The following GDF5 variants were observed in gnomAD, a reference collection of about 807,000 sequenced individuals.
The protein encoded by GDF5 is growth differentiation factor 5.
In GDF5, 17 loss-of-function variants were observed where a neutral mutation model predicts 34.6. The observed-to-expected ratio is 0.49, with a 90% confidence interval of 0.34 to 0.74. GDF5 has a LOEUF of 0.74. GDF5 is among the 30% of genes least tolerant of loss of function. The pLI is 0.01. For synonymous variants in GDF5, 332 were observed against 290.7 expected (o/e 1.14, Z -1.44); for missense variants, 616 against 661.2 (o/e 0.93, Z 0.75).
intron 1 of GDF5, among the ~76,000 whole-genome samples, chr20:35,448,244 A>G (rs994849813): frequency 3.9e-5 from 6 of 152,038 alleles, no homozygotes; most frequent in African/African-American, 1.2e-4. Context: ...CACTTTGTGT[A>G]TAAGAACCCT....
chr20:35,435,983 A>G (rs757703236), intron 1 of GDF5, among the ~76,000 whole-genome samples: 1 of 152,094 alleles, frequency 6.6e-6, no homozygotes, highest in Non-Finnish European at 1.5e-5. Context: ...TGTGTGATTC[A>G]GCACGTGTGT....
At chr20:35,442,675 G>A (rs1249714474), upstream of GDF5, among the ~76,000 whole-genome samples, 3 of 150,508 alleles carry the variant, frequency 2.0e-5, no homozygotes, top group African/African-American at 7.3e-5. Flanking sequence ...CTCCCAAGTA[G>A]CTGGGACTAC....
At chr20:35,435,738 T>G (rs995302388) in intron 1 of GDF5, among the ~76,000 whole-genome samples, 1 of 152,180 alleles carries the variant, frequency 6.6e-6, no homozygotes, top group Non-Finnish European at 1.5e-5. Context: ...TGCCTATGTG[T>G]CTTACTCTCC....
chr20:35,451,092 T>TATATATATATATAC (rs1555824851), intron 1 of GDF5, among the ~76,000 whole-genome samples: 55 of 133,564 alleles, frequency 4.1e-4, no homozygotes, highest in Middle Eastern at 3.9e-3. Flanking sequence ...TATATATATA[T>TATATATATATATAC]ACACAAATAT....
Position 35,438,213 on chromosome 20 carries a change from T to C in GDF5, c.-285A>G. 2.0e-6 allele frequency: 1 copy of C among 493,566 alleles called. No individual in the cohort carries two copies. Among genetic ancestry groups the C allele is most frequent in the East Asian group, 3.7e-5 (1 of 26,754 alleles). The allele number at this position is 493,566 out of a possible 1,614,324, so 30.6% of individuals were successfully genotyped here. A position where few individuals can be genotyped will look rare whatever the true frequency, so the allele number is the denominator to read the frequency against. ...TGAAAGGAGAAAGCCGACCGCCCCC[T>C]TTCTCCTGCACAACTGACTGAGGGC... On this transcript the variant is annotated 5_prime_UTR_variant, in exon 1 of 2. Coordinates refer to ENST00000374369, the MANE Select transcript of GDF5 (RefSeq NM_000557.5).
In GDF5 at chr20:35,434,596, C is replaced by T; in HGVS notation, c.819G>A (p.Gln273=). ...AGCGCACATCCAGCAAGGCGGCCGGCTGCCGGCCGCTGGGGCAGCTGGACA... is the reference window on the plus strand; with the variant it reads ...AGCGCACATCCAGCAAGGCGGCCGGTTGCCGGCCGCTGGGGCAGCTGGACA... The part of the protein sequence containing the change: ...LKLSSCPSGR[Q]PAALLDVRSV... The change falls in exon 2 of 2, where the codon CAG becomes CAA. Residue 273 remains glutamine, a synonymous_variant. Transcript: ENST00000374369. 6.3e-7 allele frequency: 1 copy of T among 1,588,618 alleles called. No individual in the cohort carries two copies. Among genetic ancestry groups the T allele is most frequent in the Admixed American group, 1.7e-5 (1 of 57,374 alleles).
rs1194065564 is a variant in GDF5, at chr20:35,437,463, G to T, written c.466C>A (p.Arg156=). ...LKKAREPGPP[R]EPKEPFRPPP... is the part of the protein sequence containing the mutation. Reference sequence around the variant, plus strand: ...GGGCGAAACGGCTCCTTGGGCTCTCGTGGGGGCCCGGGCTCCCTGGCCTTC... The same window carrying T: ...GGGCGAAACGGCTCCTTGGGCTCTCTTGGGGGCCCGGGCTCCCTGGCCTTC... The change falls in exon 1 of 2, where the codon CGA becomes AGA. Residue 156 remains arginine (R), a synonymous_variant. Transcript: ENST00000374369. 8.7e-6 allele frequency: 14 copies of T among 1,613,912 alleles called. No homozygotes were observed. Among genetic ancestry groups the T allele is most frequent in the East Asian group, 2.2e-5 (1 of 44,890 alleles).
At chr20:35,443,863 GA>G (rs1288537475) in intron 1 of GDF5, among the ~76,000 whole-genome samples, 1 of 151,974 alleles carries the variant, frequency 6.6e-6, no homozygotes, top group African/African-American at 2.4e-5. Context: ...AGTAAACAGT[GA>G]ACTGAGTGAT....
upstream of GDF5, among the ~76,000 whole-genome samples, chr20:35,443,183 C>G (rs1466329930): frequency 6.6e-6 from 1 of 152,120 alleles, no homozygotes; most frequent in Non-Finnish European, 1.5e-5. Flanking sequence ...CTGCCTGGCT[C>G]TCACTATAAA....
intron 1 of GDF5, among the ~76,000 whole-genome samples, chr20:35,447,256 A>C (rs2146589954): frequency 6.6e-6 from 1 of 150,820 alleles, no homozygotes. Flanking sequence ...TCCTGTGTCC[A>C]AGTGTTCTTA....
chr20:35,446,588 C>T (rs188471301), intron 1 of GDF5, among the ~76,000 whole-genome samples: 59 of 151,944 alleles, frequency 3.9e-4, no homozygotes, highest in African/African-American at 1.4e-3. Context: ...CAGGTGCAAG[C>T]CACTGCACCT....
At position 35,437,401 on chromosome 20, in the gene GDF5, C is replaced by T. The variant is rs959326191; in HGVS notation, c.528G>A (p.Leu176=). 1.9e-6 allele frequency: 3 copies of T among 1,613,712 alleles called. No homozygotes were observed. Among genetic ancestry groups the T allele is most frequent in the Non-Finnish European group, 2.5e-6 (3 of 1,179,642 alleles). Residue 176 remains leucine (L), a synonymous_variant, in exon 1 of 2, where the codon CTG becomes CTA. Transcript: ENST00000374369. ...PITPHEYMLS[L]YRTLSDADRK... is the part of the protein sequence containing the mutation. ...TGTCAGCATCGGACAGCGTCCTGTACAGCGAGAGCATGTACTCGTGGGGTG... is the reference window on the plus strand; with the variant it reads ...TGTCAGCATCGGACAGCGTCCTGTATAGCGAGAGCATGTACTCGTGGGGTG...
Position 35,437,772 on chromosome 20 carries a change from G to A in GDF5, c.157C>T (p.Leu53=), listed in dbSNP as rs773128415. The change falls in exon 1 of 2, where the codon CTG becomes TTG. Residue 53 remains leucine, a synonymous_variant. Transcript: ENST00000374369. The part of the protein sequence containing the change: ...AKAEAKERPP[L]ARNVFRPGGH... ...CCTGGCCTGAAGACGTTCCGGGCCA[G>A]GGGGGGCCTCTCCTTGGCCTCTGCT... 3.7e-6 allele frequency: 6 copies of A among 1,611,446 alleles called. No homozygotes were observed. Among genetic ancestry groups the A allele is most frequent in the Middle Eastern group, 3.3e-4 (2 of 6,072 alleles).
intron 1 of GDF5, among the ~76,000 whole-genome samples, chr20:35,452,039 T>C (rs922824988): frequency 1.3e-5 from 2 of 152,144 alleles, no homozygotes; most frequent in Non-Finnish European, 2.9e-5. Context: ...TAGATTCTCA[T>C]AGGAGGCAAA....
chr20:35,438,104 T>C lies in GDF5; in HGVS notation c.-176A>G. ...AGACTCTTGAAGTCTGCCGGGTGTG[T>C]GTTTGTATCCAGTCCCATAGTGGAA... On this transcript the variant is annotated 5_prime_UTR_variant, in exon 1 of 2. Transcript: ENST00000374369. The C allele has an allele frequency of 1.4e-6, 1 of 708,236 alleles. No homozygotes were observed. The highest frequency in any genetic ancestry group is 2.7e-5 in the East Asian group (1 of 37,114). 43.9% of individuals were successfully genotyped at this position (708,236 alleles called of 1,614,324 possible).
chr20:35,442,479 G>A (rs913328374), upstream of GDF5, among the ~76,000 whole-genome samples: 19 of 151,594 alleles, frequency 1.3e-4, no homozygotes, highest in African/African-American at 4.6e-4. Flanking sequence ...CTCCCCTAGT[G>A]CTGGGATTAC....
Position 35,437,720 on chromosome 20 carries a change from G to A in GDF5, c.209C>T (p.Thr70Ile), listed in dbSNP as rs1224971311. Reference protein sequence around the residue: ...PGGHSYGGGATNANARAKGGT... With the variant: ...PGGHSYGGGAINANARAKGGT... Reference sequence around the variant, plus strand: ...TCCCTTTGCCCTGGCATTGGCATTGGTGGCCCCCCCACCATAGCTGTGACC... The same window carrying A: ...TCCCTTTGCCCTGGCATTGGCATTGATGGCCCCCCCACCATAGCTGTGACC... Residue 70 changes from threonine (T) to isoleucine (I), a missense_variant, in exon 1 of 2, where the codon ACC (threonine) becomes ATC (isoleucine). Thr to Ile is a moderately conservative substitution (Grantham distance 89). Transcript: ENST00000374369. The A allele has an allele frequency of 6.2e-7, 1 of 1,613,708 alleles. No homozygotes were observed. The highest frequency in any genetic ancestry group is 2.2e-5 in the East Asian group (1 of 44,844).
At chr20:35,447,853 G>T (rs1256794095) in intron 1 of GDF5, among the ~76,000 whole-genome samples, 1 of 152,084 alleles carries the variant, frequency 6.6e-6, no homozygotes, top group Non-Finnish European at 1.5e-5. Context: ...GGTGGCTCAT[G>T]CCTGTAATCC....
chr20:35,438,358 T>TCTCACACACACA (rs1555823628), upstream of GDF5: 19 of 160,018 alleles, frequency 1.2e-4, no homozygotes, highest in South Asian at 1.7e-3. Flanking sequence ...TGAAAATACT[T>TCTCACACACACA]CACACACACA....
Sources: allele counts gnomAD v4.1 joint callset (sites outside exome capture counted in the v4.1 genomes callset), GRCh38; gene constraint gnomAD v4.1.1; transcripts MANE v1.5; gene names NCBI Gene and HGNC (gene_info 2026-07-23, HGNC 2026-07-21).